RNF4: variants seen among roughly 807,000 people sequenced by gnomAD.
The protein encoded by RNF4 is ring finger protein 4.
RNF4 carries 7 observed loss-of-function variants against 24.3 expected under a neutral mutation model. The ratio of observed to expected loss-of-function variants is 0.29; its 90% CI spans 0.16 to 0.54. The LOEUF (loss-of-function observed/expected upper bound fraction) is 0.54. Ranked by LOEUF, RNF4 falls within the 20% of genes least tolerant of loss-of-function variation. The probability of loss-of-function intolerance (pLI) is 0.95; values close to 1 mark genes in which losing one functional copy is unlikely to be tolerated. For missense variants in RNF4, 209 were observed against 248.5 expected, an observed-to-expected ratio of 0.84 and a Z score of 1.07; for synonymous variants, 83 against 84.3, an observed-to-expected ratio of 0.98 and a Z score of 0.09.
Position 2,500,644 on chromosome 4 carries a change from T to C in RNF4, c.125-15T>C. ...CTCTTAATCTTAATGCTTGTTGAAA[T>C]ACTTTCTTTTGAAGCTGGAGATGAA... On this transcript the variant is annotated splice_polypyrimidine_tract_variant and intron_variant, in intron 3 of 7. Transcript: ENST00000314289. The C allele has an allele frequency of 6.2e-7, 1 of 1,613,298 alleles. No homozygotes were observed.
At chr4:2,507,092 T>C (rs544859749) in intron 4 of RNF4, among the ~76,000 whole-genome samples, 57 of 152,246 alleles carry the variant, frequency 3.7e-4, no homozygotes, top group Non-Finnish European at 6.0e-4. Context: ...TTCTATAATG[T>C]ATGAATAAGT....
chr4:2,511,171 G>A (rs1405954243), intron 4 of RNF4, among the ~76,000 whole-genome samples: 1 of 152,262 alleles, frequency 6.6e-6, no homozygotes, highest in Non-Finnish European at 1.5e-5. Flanking sequence ...GTGGGCTCTG[G>A]TGACTCTGCT....
chr4:2,500,393 A>C (rs1291516867), intron 3 of RNF4, among the ~76,000 whole-genome samples: 1 of 152,096 alleles, frequency 6.6e-6, no homozygotes, highest in East Asian at 1.9e-4. Context: ...CGTGGAATAG[A>C]GGTATGCACA....
At chr4:2,494,373 C>CTTTTT (rs753327529) in intron 2 of RNF4, among the ~76,000 whole-genome samples, 3 of 98,232 alleles carry the variant, frequency 3.1e-5, no homozygotes, top group Non-Finnish European at 4.1e-5. Flanking sequence ...CAACTTAGAA[C>CTTTTT]TTTTTTTTTT....
intron 4 of RNF4, among the ~76,000 whole-genome samples, chr4:2,504,842 C>T (rs1055611936): frequency 1.7e-4 from 26 of 150,112 alleles, no homozygotes; most frequent in African/African-American, 2.7e-4. Context: ...AAGCAATTCT[C>T]CTGCCTCAGC....
intron 2 of RNF4, among the ~76,000 whole-genome samples, chr4:2,494,327 A>G (rs1578512963): frequency 6.6e-6 from 1 of 151,138 alleles, no homozygotes; most frequent in East Asian, 1.9e-4. Context: ...TGGCTGGAAC[A>G]GGACCTCACA....
chr4:2,501,353 A>G (rs1458748637), intron 4 of RNF4, among the ~76,000 whole-genome samples: 1 of 152,184 alleles, frequency 6.6e-6, no homozygotes, highest in East Asian at 1.9e-4. Flanking sequence ...GCTACTTAGC[A>G]TGGCCTCAGG....
chr4:2,475,165 A>T (rs1735030126), intron 1 of RNF4, among the ~76,000 whole-genome samples: 1 of 152,208 alleles, frequency 6.6e-6, no homozygotes, highest in Non-Finnish European at 1.5e-5. Flanking sequence ...AATGATCATT[A>T]GCATTTTTTA....
At position 2,500,724 on chromosome 4, in the gene RNF4, A is replaced by G; in HGVS notation, c.190A>G (p.Asn64Asp). ...GCCTGTGGTGGTTGATCTGACTCAC[A>G]ATGACTCTGTTGTGGTAAGTGTTGG... ...LEPVVVDLTH[N>D]DSVVIVDERR... The change falls in exon 4 of 8, where the codon AAT (asparagine) becomes GAT (aspartate). Residue 64 changes from asparagine to aspartate, a missense_variant. By Grantham distance (23) the Asn-to-Asp change is conservative. Transcript: ENST00000314289. 1 of 1,613,858 alleles carries G rather than the reference A, an allele frequency of 6.2e-7. No homozygotes were observed. The highest frequency in any genetic ancestry group is 8.5e-7 in the Non-Finnish European group (1 of 1,179,828).
In RNF4 at chr4:2,471,409, GTCTC is replaced by G. The variant is rs1398143747; in HGVS notation, c.-158+2156_-158+2159del. On this transcript the variant is annotated intron_variant, in intron 1 of 7. Coordinates refer to ENST00000314289, the MANE Select transcript of RNF4 (RefSeq NM_002938.5). ...CAGCTCCACTGACTGGCAGTTCCCA[GTCTC>G]TCTCCTCAGGCCTCTCAATTCCTTG... Among the ~76,000 whole-genome samples, 4 of 151,016 alleles carry G rather than the reference GTCTC, an allele frequency of 2.6e-5. No individual in the cohort carries two copies. The Admixed American group carries it at 2.7e-4, about 10-fold the overall frequency.
At position 2,490,447 on chromosome 4, in the gene RNF4, T is replaced by C; in HGVS notation, c.-47T>C. Reference sequence around the variant, plus strand: ...TTTGACTTCCCTGCAAACCTTGGTATAGATCACTTCCTTTTCTGTAGGAAA... The same window carrying C: ...TTTGACTTCCCTGCAAACCTTGGTACAGATCACTTCCTTTTCTGTAGGAAA... On this transcript the variant is annotated 5_prime_UTR_variant, in exon 2 of 8. Transcript: ENST00000314289. The C allele has an allele frequency of 6.2e-7, 1 of 1,607,216 alleles. No individual in the cohort carries two copies. Among genetic ancestry groups the C allele is most frequent in the Non-Finnish European group, 8.5e-7 (1 of 1,175,904 alleles).
At chr4:2,477,413 T>A (rs846237) in intron 1 of RNF4, among the ~76,000 whole-genome samples, 1 of 151,854 alleles carries the variant, frequency 6.6e-6, no homozygotes, top group Admixed American at 6.6e-5. Flanking sequence ...AGTGAAACCC[T>A]GTCTCTACTA....
At chr4:2,485,556 C>T (rs1279776758) in intron 1 of RNF4, among the ~76,000 whole-genome samples, 2 of 152,148 alleles carry the variant, frequency 1.3e-5, no homozygotes, top group African/African-American at 4.8e-5. Flanking sequence ...TTTATGGCCT[C>T]ATTCTTGCAG....
Position 2,475,501 on chromosome 4 carries a change from G to A in RNF4, c.-158+6243G>A, listed in dbSNP as rs138969822. Among the ~76,000 whole-genome samples, 538 of 152,184 alleles carry A rather than the reference G, an allele frequency of 3.5e-3. 1 individual carries two copies. Among genetic ancestry groups the A allele is most frequent in the African/African-American group, 0.01 (416 of 41,526 alleles). On this transcript the variant is annotated intron_variant, in intron 1 of 7. Transcript: ENST00000314289. ...CTACAGGCACGTGCCACCATGCCCA[G>A]CTAATTTTTTGTATTTTTAGTAGAG...
At chr4:2,497,606 A>T (rs1735777009) in intron 3 of RNF4, among the ~76,000 whole-genome samples, 1 of 152,088 alleles carries the variant, frequency 6.6e-6, no homozygotes, top group East Asian at 1.9e-4. Context: ...TGTTTTTATA[A>T]CTAGGATACC....
chr4:2,510,762 A>G (rs1736249792), intron 4 of RNF4, among the ~76,000 whole-genome samples: 1 of 152,260 alleles, frequency 6.6e-6, no homozygotes, highest in African/African-American at 2.4e-5. Context: ...CTACGTGCTC[A>G]GCAAGAGGGA....
chr4:2,501,792 T>C (rs1345174611), intron 4 of RNF4, among the ~76,000 whole-genome samples: 2 of 152,140 alleles, frequency 1.3e-5, no homozygotes, highest in Non-Finnish European at 2.9e-5. Flanking sequence ...TCACTGGTGT[T>C]GGGGTTATCC....
chr4:2,478,168 T>C (rs956142965), intron 1 of RNF4, among the ~76,000 whole-genome samples: 9 of 152,168 alleles, frequency 5.9e-5, no homozygotes, highest in African/African-American at 2.2e-4. Flanking sequence ...ATTTAGGGTA[T>C]CTGGCAGAAT....
At chr4:2,501,946 A>G (rs1179995654) in intron 4 of RNF4, among the ~76,000 whole-genome samples, 1 of 152,190 alleles carries the variant, frequency 6.6e-6, no homozygotes, top group Admixed American at 6.5e-5. Flanking sequence ...AAACCATCTG[A>G]GATAAGCAGC....
Sources: allele counts gnomAD v4.1 joint callset (sites outside exome capture counted in the v4.1 genomes callset), GRCh38; gene constraint gnomAD v4.1.1; transcripts MANE v1.5; gene names NCBI Gene and HGNC (gene_info 2026-07-23, HGNC 2026-07-21).